PARP8: variants seen among roughly 807,000 people sequenced by gnomAD.
PARP8 encodes protein mono-ADP-ribosyltransferase PARP8.
In PARP8, 51 loss-of-function variants were observed where a neutral mutation model predicts 124.1. The observed-to-expected ratio is 0.41, with a 90% CI of 0.33 to 0.52. The LOEUF is 0.52. Among genes scored for constraint, PARP8 ranks in the 20% least tolerant of loss-of-function variants. The pLI is 0.21. For synonymous variants in PARP8, 391 were observed against 361.5 expected (o/e 1.08, Z -0.93); for missense variants, 860 against 1,018.9 (o/e 0.84, Z 2.12).
chr5:50,758,777 C>T (rs1423062541), intron 3 of PARP8, among the ~76,000 whole-genome samples: 3 of 151,988 alleles, frequency 2.0e-5, no homozygotes, highest in African/African-American at 7.2e-5. Context: ...AAATAAATAC[C>T]TAAGAATTGT....
intron 8 of PARP8, 131 bp from the exon 9 acceptor site, chr5:50,778,429 G>C: frequency 1.4e-6 from 1 of 700,706 alleles, no homozygotes; most frequent in Middle Eastern, 4.1e-4. Context: ...AAAACAGTGG[G>C]TTTTGAGATA....
At chr5:50,676,747 T>C (rs1414693613) in intron 2 of PARP8, among the ~76,000 whole-genome samples, 1 of 152,238 alleles carries the variant, frequency 6.6e-6, no homozygotes, top group Non-Finnish European at 1.5e-5. Context: ...AGAGTATCTA[T>C]TTGGTGAAAT....
At chr5:50,677,541 G>T (rs1256443463) in intron 2 of PARP8, among the ~76,000 whole-genome samples, 2 of 152,124 alleles carry the variant, frequency 1.3e-5, no homozygotes, top group Non-Finnish European at 2.9e-5. Flanking sequence ...TTCAGTTTCA[G>T]TTAGGTGATT....
intron 2 of PARP8, among the ~76,000 whole-genome samples, chr5:50,739,293 G>A (rs1398288979): frequency 6.6e-6 from 1 of 152,062 alleles, no homozygotes. Context: ...GCTTCCATAT[G>A]AAGAAGGAGA....
At chr5:50,803,708 T>C (rs751157602) in intron 14 of PARP8, among the ~76,000 whole-genome samples, 5 of 152,186 alleles carry the variant, frequency 3.3e-5, no homozygotes, top group Admixed American at 2.0e-4. Flanking sequence ...TCTTCATTTA[T>C]TTAGATATGA....
intron 2 of PARP8, among the ~76,000 whole-genome samples, chr5:50,675,802 T>C (rs1360255434): frequency 6.6e-6 from 1 of 151,926 alleles, no homozygotes; most frequent in Non-Finnish European, 1.5e-5. Flanking sequence ...GAAAAAAAAA[T>C]TGTTAAGCAC....
chr5:50,738,268 G>T (rs1242253858), intron 2 of PARP8, among the ~76,000 whole-genome samples: 1 of 152,136 alleles, frequency 6.6e-6, no homozygotes. Flanking sequence ...TGAAGAAAAT[G>T]ATTTTATCTT....
intron 2 of PARP8, among the ~76,000 whole-genome samples, chr5:50,708,195 T>A (rs565589114): frequency 2.6e-5 from 4 of 152,218 alleles, no homozygotes; most frequent in Admixed American, 2.6e-4. Context: ...AAATAAATTA[T>A]CAATAATGAA....
At chr5:50,779,533 G>C (rs192461090) in intron 9 of PARP8, among the ~76,000 whole-genome samples, 56 of 152,284 alleles carry the variant, frequency 3.7e-4, no homozygotes, top group Non-Finnish European at 7.1e-4. Flanking sequence ...TCTTCATGTG[G>C]TTTGGACTTC....
At chr5:50,707,872 A>G (rs1387231335) in intron 2 of PARP8, among the ~76,000 whole-genome samples, 1 of 152,122 alleles carries the variant, frequency 6.6e-6, no homozygotes, top group Non-Finnish European at 1.5e-5. Context: ...CATAAGTTTT[A>G]GACAGTTTCT....
chr5:50,793,608 A>T (rs1263788272), intron 10 of PARP8, among the ~76,000 whole-genome samples: 5 of 152,210 alleles, frequency 3.3e-5, no homozygotes, highest in African/African-American at 1.2e-4. Flanking sequence ...AGTATCTTCA[A>T]AGGTGAATAG....
At chr5:50,838,719 T>C (rs1747853168) in intron 25 of PARP8, among the ~76,000 whole-genome samples, 1 of 150,822 alleles carries the variant, frequency 6.6e-6, no homozygotes, top group Admixed American at 6.6e-5. Flanking sequence ...TCTACCTTAC[T>C]TCAGTTACAT....
chr5:50,706,285 A>G (rs573886381), intron 2 of PARP8, among the ~76,000 whole-genome samples: 9 of 152,138 alleles, frequency 5.9e-5, no homozygotes, highest in East Asian at 3.9e-4. Context: ...ATGCTTTTAC[A>G]TATATTTTAT....
At chr5:50,825,990 CAATT>C (rs1257502983) in intron 18 of PARP8, among the ~76,000 whole-genome samples, 5 of 152,030 alleles carry the variant, frequency 3.3e-5, no homozygotes, top group African/African-American at 4.8e-5. Context: ...AATTCTGAAA[CAATT>C]AAGTAAAATA....
At chr5:50,719,203 T>G (rs887434313) in intron 2 of PARP8, among the ~76,000 whole-genome samples, 4 of 152,124 alleles carry the variant, frequency 2.6e-5, no homozygotes, top group African/African-American at 9.6e-5. Flanking sequence ...TTATATATTC[T>G]GGATATTAAT....
intron 24 of PARP8, among the ~76,000 whole-genome samples, chr5:50,834,466 G>A (rs546055707): frequency 6.6e-6 from 1 of 152,226 alleles, no homozygotes; most frequent in South Asian, 2.1e-4. Context: ...ATATTATTCT[G>A]TACTGAGGAC....
At chr5:50,748,898 C>A (rs1048688520) in intron 2 of PARP8, among the ~76,000 whole-genome samples, 2 of 152,076 alleles carry the variant, frequency 1.3e-5, no homozygotes, top group Non-Finnish European at 2.9e-5. Flanking sequence ...ATTTTTAGCT[C>A]TTCTTGATAT....
At chr5:50,742,078 G>A (rs1348891283) in intron 2 of PARP8, 5 of 248,550 alleles carry the variant, frequency 2.0e-5, no homozygotes, top group Non-Finnish European at 4.0e-5. Context: ...CCAAAGTACC[G>A]GGATTACAGG....
At chr5:50,666,323 G>C (rs1749273994), upstream of PARP8, 3 of 152,104 alleles carry the variant, frequency 2.0e-5, no homozygotes, top group South Asian at 6.2e-4. Flanking sequence ...AGCCACTCCG[G>C]TTTGGGTTTG....
Sources: gnomAD v4.1 joint callset for allele counts (sites outside exome capture counted in the v4.1 genomes callset) on GRCh38, gnomAD v4.1.1 for gene constraint, MANE v1.5 for transcripts, NCBI Gene and HGNC (gene_info 2026-07-23, HGNC 2026-07-21) for gene names.